PSG5: variants seen among roughly 807,000 people sequenced by gnomAD.
The protein encoded by PSG5 is pregnancy specific beta-1-glycoprotein 5.
A neutral mutation model predicts 37.7 loss-of-function variants in PSG5; 53 were observed. The ratio of observed to expected loss-of-function variants is 1.41; its 90% CI spans 1.13 to 1.77. The LOEUF is 1.77. Among genes scored for constraint, PSG5 ranks in the 40% most tolerant of loss-of-function variants. PSG5 has a pLI of 0.00. For synonymous variants in PSG5, 221 were observed against 155.4 expected (o/e 1.42, Z -3.14); for missense variants, 547 against 405.2 (o/e 1.35, Z -3.00).
intron 4 of PSG5, chr19:43,170,709 C>G (rs1481885029): frequency 5.5e-5 from 10 of 182,124 alleles, no homozygotes. Context: ...ACTCTTAGAA[C>G]TGCATTGGTA....
At chr19:43,171,219 T>C (rs1311567583) in intron 4 of PSG5, 1 of 151,624 alleles carries the variant, frequency 6.6e-6, no homozygotes. Context: ...CTATTTGACC[T>C]CAAGGCTAAT....
At chr19:43,176,265 A>C (rs1315243517) in intron 2 of PSG5, 117 bp from the exon 3 acceptor site, 4 of 1,492,610 alleles carry the variant, frequency 2.7e-6, no homozygotes, top group Non-Finnish European at 3.6e-6. Flanking sequence ...CTTGAAAGCC[A>C]GTAGCTGATG....
At chr19:43,183,247 T>G in intron 2 of PSG5, 1 of 334,454 alleles carries the variant, frequency 3.0e-6, no homozygotes, top group Non-Finnish European at 6.0e-6. Flanking sequence ...CAGAGTTGCA[T>G]GAGGTGGGGT....
chr19:43,178,138 C>T (rs1268064511), intron 2 of PSG5, among the ~76,000 whole-genome samples: 1 of 151,536 alleles, frequency 6.6e-6, no homozygotes, highest in Admixed American at 6.6e-5. Flanking sequence ...TTTTCCCTCT[C>T]CCTTTGCAGA....
At chr19:43,176,587 T>C (rs111576619) in intron 2 of PSG5, among the ~76,000 whole-genome samples, 2,343 of 151,510 alleles carry the variant, frequency 0.015, 125 homozygotes, top group African/African-American at 0.055. Context: ...ATTCTAGAGA[T>C]GAGTAATAAT....
chr19:43,177,612 A>G (rs1194470653), intron 2 of PSG5, among the ~76,000 whole-genome samples: 1 of 151,216 alleles, frequency 6.6e-6, no homozygotes, highest in Non-Finnish European at 1.5e-5. Flanking sequence ...TTTGGATGTG[A>G]GAAAGGCTGA....
chr19:43,171,979 T>G (rs1188086803), intron 4 of PSG5, among the ~76,000 whole-genome samples: 1 of 107,504 alleles, frequency 9.3e-6, no homozygotes, highest in Non-Finnish European at 1.9e-5. Flanking sequence ...CCCGTCCCTC[T>G]CTTCAAAAAA....
At chr19:43,170,467 CT>C (rs1568546989) in intron 4 of PSG5, 5 of 446,166 alleles carry the variant, frequency 1.1e-5, no homozygotes, top group African/African-American at 1.0e-4. Context: ...GCATCTTTTT[CT>C]CAGTCTCTCT....
rs1198624760 is a variant in PSG5, at chr19:43,184,913, GT to G, written c.298del (p.Thr100GlnfsTer9). 10 of 1,612,454 alleles carry G rather than the reference GT, an allele frequency of 6.2e-6. No individual in the cohort carries two copies. Among genetic ancestry groups the G allele is most frequent in the Non-Finnish European group, 8.5e-6 (10 of 1,179,196 alleles). On this transcript the variant is annotated frameshift_variant, in exon 2 of 6. Coordinates refer to ENST00000342951, the MANE Select transcript of PSG5 (RefSeq NM_002781.4). LOFTEE classifies it high-confidence loss of function. ...CAGCAGGGATGCATTGGAATATACT[GT>G]TTCTCGTCCAGTGTATGCAGGCCCA... ...IYGPAYTGRE[T>X]VYSNASLLIQ...
chr19:43,175,650 T>C, intron 3 of PSG5, 181 bp from the exon 4 acceptor site: 1 of 1,388,408 alleles, frequency 7.2e-7, no homozygotes, highest in Non-Finnish European at 9.7e-7. Flanking sequence ...TCACAAGCTA[T>C]TGACACAAAG....
chr19:43,171,979 T>C (rs1188086803), intron 4 of PSG5, among the ~76,000 whole-genome samples: 5 of 107,504 alleles, frequency 4.7e-5, no homozygotes, highest in African/African-American at 2.0e-4. Flanking sequence ...CCCGTCCCTC[T>C]CTTCAAAAAA....
At chr19:43,185,773 G>A (rs571207158) in intron 1 of PSG5, among the ~76,000 whole-genome samples, 7 of 151,220 alleles carry the variant, frequency 4.6e-5, no homozygotes, top group South Asian at 2.1e-4. Context: ...ATTTTGCTGA[G>A]GACAGTGTTT....
At chr19:43,176,514 C>T (rs191586681) in intron 2 of PSG5, among the ~76,000 whole-genome samples, 21 of 151,676 alleles carry the variant, frequency 1.4e-4, no homozygotes, top group South Asian at 8.3e-4. Context: ...TGGGCCCCTT[C>T]CAAATTCCAT....
intron 2 of PSG5, among the ~76,000 whole-genome samples, chr19:43,184,477 C>T (rs1364029340): frequency 6.6e-6 from 1 of 151,566 alleles, no homozygotes; most frequent in African/African-American, 2.4e-5. Flanking sequence ...CAGGGTCTTT[C>T]TCAGGGTCAA....
chr19:43,182,239 G>A (rs1007284605), intron 2 of PSG5, among the ~76,000 whole-genome samples: 1 of 151,710 alleles, frequency 6.6e-6, no homozygotes, highest in Non-Finnish European at 1.5e-5. Flanking sequence ...TAAGATTATA[G>A]GAGGGAACTG....
chr19:43,168,860 A>G (rs1230433395), intron 5 of PSG5, among the ~76,000 whole-genome samples: 1 of 151,518 alleles, frequency 6.6e-6, no homozygotes, highest in Non-Finnish European at 1.5e-5. Context: ...AGGGCCAAAA[A>G]TGTATAGTCT....
rs774338542 is a variant in PSG5, at chr19:43,184,785, A to G, written c.427T>C (p.Tyr143His). 6.2e-6 allele frequency: 10 copies of G among 1,612,172 alleles called. No individual in the cohort carries two copies. In the Middle Eastern group the frequency reaches 6.6e-4, roughly 107 times the overall value. Residue 143 changes from tyrosine (Y) to histidine (H), a missense_variant, in exon 2 of 6, where the codon TAC becomes CAC. By Grantham distance (83) the Tyr-to-His change is moderately conservative (BLOSUM62 2). Transcript: ENST00000342951. ...GGGATCATGTGGAATCACTCACGGT[A>G]TAAGTTGAAGGTGAAATATCCAGTT... ...GVTGYFTFNL[Y>H]LKLPKPYITI...
In PSG5 at chr19:43,176,565, A is replaced by G. The variant is rs529824929; in HGVS notation, c.431-417T>C. 4.0e-5 allele frequency among the ~76,000 whole-genome samples: 6 copies of G among 151,658 alleles called. No individual in the cohort carries two copies. In the East Asian group the frequency reaches 1.2e-3, roughly 29 times the overall value. ...TATATGTGATTTCTCTGCAGCTCCCATTTCCAAGGACATTCTAGAGATGAG... is the reference window on the plus strand; with the variant it reads ...TATATGTGATTTCTCTGCAGCTCCCGTTTCCAAGGACATTCTAGAGATGAG... On this transcript the variant is annotated intron_variant, in intron 2 of 5. Coordinates refer to ENST00000342951, the MANE Select transcript of PSG5 (RefSeq NM_002781.4).
chr19:43,168,325 A>G (rs1425327141), intron 5 of PSG5, 122 bp from the exon 6 acceptor site: 5 of 304,470 alleles, frequency 1.6e-5, no homozygotes, highest in African/African-American at 1.1e-4. Context: ...ATGGTAACAT[A>G]TTTGATTTCC....
Sources: allele counts gnomAD v4.1 joint callset (sites outside exome capture counted in the v4.1 genomes callset), GRCh38; gene constraint gnomAD v4.1.1; transcripts MANE v1.5; gene names NCBI Gene and HGNC (gene_info 2026-07-23, HGNC 2026-07-21).